The following OPHN1 variants were observed in gnomAD, a reference collection of about 807,000 sequenced individuals.
OPHN1 encodes oligophrenin-1.
A neutral mutation model predicts 60.7 loss-of-function variants in OPHN1; 11 were observed. The observed-to-expected ratio is 0.18, with a 90% confidence interval of 0.11 to 0.30. The LOEUF (loss-of-function observed/expected upper bound fraction) is 0.30, where lower values mean the gene tolerates loss of function less well. OPHN1 is among the 10% of genes least tolerant of loss of function. OPHN1 has a pLI of 1.00. For synonymous variants in OPHN1, 226 were observed against 222.6 expected, an observed-to-expected ratio of 1.02 and a Z score of -0.14; for missense variants, 449 against 611.0, an observed-to-expected ratio of 0.73 and a Z score of 2.80.
chrX:68,324,821 TGC>T (rs2078252455), intron 2 of OPHN1, among the ~76,000 whole-genome samples: 5 of 106,939 alleles, frequency 4.7e-5, no homozygotes, highest in Admixed American at 2.0e-4. Context: ...GTGGGAGGAT[TGC>T]TTGAGCCCAG....
intron 19 of OPHN1, among the ~76,000 whole-genome samples, chrX:68,088,830 T>C (rs1200030113): frequency 1.8e-5 from 2 of 110,775 alleles, no homozygotes; most frequent in Non-Finnish European, 3.8e-5. Context: ...CTGGCTTGTT[T>C]AGATGACCAC....
chrX:68,304,919 C>T (rs985075177), intron 2 of OPHN1, among the ~76,000 whole-genome samples: 7 of 111,536 alleles, frequency 6.3e-5, no homozygotes, highest in Non-Finnish European at 1.1e-4. Flanking sequence ...TTTGTTCTGA[C>T]TTTAAGTTCA....
chrX:68,042,472 C>T lies in OPHN1; in HGVS notation c.*4700G>A, dbSNP rs1223968519. 2 of 111,465 alleles carry T rather than the reference C, an allele frequency of 1.8e-5. No homozygotes were observed. Among genetic ancestry groups the T allele is most frequent in the Non-Finnish European group, 3.8e-5 (2 of 53,088 alleles). 9.2% of individuals were successfully genotyped at this position (111,465 alleles called of 1,213,427 possible). A position where few individuals can be genotyped will look rare whatever the true frequency, so the allele number is the denominator to read the frequency against. ...ATCTTTCTAGCCCTCTACTAATGTC[C>T]TTGGCATCAAGTGCTTCATTTCCCC... On this transcript the variant is annotated 3_prime_UTR_variant, in exon 25 of 25. Coordinates refer to ENST00000355520, the MANE Select transcript of OPHN1 (RefSeq NM_002547.3).
Position 68,290,981 on chromosome X carries a change from T to C in OPHN1, c.251-7864A>G, listed in dbSNP as rs1205088083. Among the ~76,000 whole-genome samples the C allele has an allele frequency of 2.7e-5, 3 of 111,595 alleles. No individual in the cohort carries two copies. The Admixed American group carries it at 2.9e-4, about 11-fold the overall frequency. On this transcript the variant is annotated intron_variant, in intron 3 of 24. Coordinates refer to ENST00000355520, the MANE Select transcript of OPHN1 (RefSeq NM_002547.3). ...ATTTCCATATTTTTATAATAAAGCA[T>C]GTTTATATTATAATGCAAAGATACC...
intron 15 of OPHN1, among the ~76,000 whole-genome samples, chrX:68,182,605 G>T (rs1391132702): frequency 1.8e-5 from 2 of 111,603 alleles, no homozygotes; most frequent in African/African-American, 6.5e-5. Context: ...TGGAAATACT[G>T]AAGTTGTTGA....
At chrX:68,106,190 CTT>C (rs71831333) in intron 18 of OPHN1, among the ~76,000 whole-genome samples, 18 of 74,427 alleles carry the variant, frequency 2.4e-4, no homozygotes, top group Non-Finnish European at 2.4e-4. Context: ...AAAGCTTTTC[CTT>C]TTTTTTTTTT....
intron 15 of OPHN1, among the ~76,000 whole-genome samples, chrX:68,125,828 C>T (rs1245181380): frequency 9.9e-6 from 1 of 101,296 alleles, no homozygotes; most frequent in African/African-American, 3.6e-5. Flanking sequence ...TCCAAACTCA[C>T]TCTACGAGGC....
At chrX:68,207,160 G>A (rs1344788266) in intron 9 of OPHN1, among the ~76,000 whole-genome samples, 3 of 101,888 alleles carry the variant, frequency 2.9e-5, no homozygotes, top group Admixed American at 1.1e-4. Context: ...ACAGAGTCTC[G>A]TTCTGTCACC....
chrX:68,415,436 T>C (rs1207709877), intron 2 of OPHN1, among the ~76,000 whole-genome samples: 1 of 111,733 alleles, frequency 8.9e-6, no homozygotes, highest in Non-Finnish European at 1.9e-5. Flanking sequence ...AGTGAAATAT[T>C]ATCTGACCAG....
intron 15 of OPHN1, among the ~76,000 whole-genome samples, chrX:68,181,471 T>C (rs1051414500): frequency 1.8e-5 from 2 of 111,426 alleles, no homozygotes; most frequent in African/African-American, 6.5e-5. Flanking sequence ...TAACTGAGCA[T>C]TCTGTATTTC....
At chrX:68,394,070 T>C (rs1198719014) in intron 2 of OPHN1, among the ~76,000 whole-genome samples, 1 of 106,629 alleles carries the variant, frequency 9.4e-6, no homozygotes, top group African/African-American at 3.3e-5. Flanking sequence ...TAATTTTTTG[T>C]ATTTTTAGTA....
chrX:68,078,760 C>T (rs1056277956), intron 19 of OPHN1, among the ~76,000 whole-genome samples: 6 of 110,071 alleles, frequency 5.5e-5, no homozygotes, highest in African/African-American at 1.7e-4. Context: ...CTGAGGCAGG[C>T]GGATCCCTTG....
chrX:68,330,581 T>C (rs2078289485), intron 2 of OPHN1, among the ~76,000 whole-genome samples: 1 of 110,570 alleles, frequency 9.0e-6, no homozygotes, highest in Admixed American at 9.8e-5. Context: ...GGAGGATCAT[T>C]TGAGCCCAGG....
intron 11 of OPHN1, among the ~76,000 whole-genome samples, 185 bp downstream of exon 11, chrX:68,201,434 G>A (rs1025614507): frequency 1.8e-5 from 2 of 111,803 alleles, no homozygotes; most frequent in Non-Finnish European, 1.9e-5. Flanking sequence ...GCAGCACTGG[G>A]CCAGGTCTAG....
At chrX:68,263,876 T>C (rs1362047273) in intron 5 of OPHN1, among the ~76,000 whole-genome samples, 1 of 112,239 alleles carries the variant, frequency 8.9e-6, no homozygotes, top group African/African-American at 3.2e-5. Context: ...CAAAATTAAA[T>C]GTTAATATTT....
chrX:68,214,879 C>T (rs1420376840), intron 6 of OPHN1, among the ~76,000 whole-genome samples: 1 of 111,037 alleles, frequency 9.0e-6, no homozygotes, highest in Non-Finnish European at 1.9e-5. Context: ...CTCCTGTAGT[C>T]CCAGCTACTC....
chrX:68,297,595 A>T (rs2078101776), intron 3 of OPHN1, among the ~76,000 whole-genome samples: 1 of 112,242 alleles, frequency 8.9e-6, no homozygotes, highest in African/African-American at 3.2e-5. Context: ...GAAATAAGCT[A>T]TATTTCCAAG....
intron 4 of OPHN1, among the ~76,000 whole-genome samples, chrX:68,279,051 T>A (rs1314319135): frequency 1.1e-5 from 1 of 95,085 alleles, no homozygotes; most frequent in Non-Finnish European, 2.0e-5. Context: ...GCAAGCTTCA[T>A]AATCATATAA....
chrX:68,400,609 C>CTT (rs1365034623), intron 2 of OPHN1, among the ~76,000 whole-genome samples: 1 of 93,129 alleles, frequency 1.1e-5, no homozygotes, highest in Non-Finnish European at 2.2e-5. Context: ...TTTCTTTTTT[C>CTT]TTTTTTTTTT....
Sources: allele counts gnomAD v4.1 joint callset (sites outside exome capture counted in the v4.1 genomes callset), GRCh38; gene constraint gnomAD v4.1.1; transcripts MANE v1.5; gene names NCBI Gene and HGNC (gene_info 2026-07-23, HGNC 2026-07-21).